The following SYNPO variants were observed in gnomAD, a reference collection of about 807,000 sequenced individuals.
The protein encoded by SYNPO is synaptopodin.
A neutral mutation model predicts 49.5 loss-of-function variants in SYNPO; 19 were observed. The observed-to-expected ratio is 0.38, with a 90% CI of 0.27 to 0.56. The LOEUF (loss-of-function observed/expected upper bound fraction) is 0.56, where lower values mean the gene tolerates loss of function less well. SYNPO is among the 20% of genes least tolerant of loss of function. SYNPO has a pLI of 0.68. For synonymous variants in SYNPO, 536 were observed against 548.0 expected (o/e 0.98, Z 0.31); for missense variants, 1,131 against 1,248.3 (o/e 0.91, Z 1.42).
chr5:150,656,900 T>C lies in SYNPO; in HGVS notation c.2525T>C (p.Leu842Pro), dbSNP rs1253149639. The change falls in exon 3 of 3, where the codon CTG (leucine) becomes CCG (proline). Residue 842 changes from leucine (L) to proline (P), a missense_variant. Leu to Pro is a moderately conservative substitution (Grantham distance 98, BLOSUM62 -3). This residue lies in a region of SYNPO where 509 missense variants were observed against 484.5 expected (regional missense o/e 1.05). Coordinates refer to ENST00000307662, the MANE Select transcript of SYNPO (RefSeq NM_007286.6). ...PSSCTSPRSP[L>P]PAPPRPFLYR... The stretch of plus-strand genomic sequence containing the variant: ...TCCTGCACCAGTCCCCGGAGCCCGC[T>C]GCCCGCGCCTCCCAGGCCCTTCCTC... The C allele has an allele frequency of 5.1e-6, 8 of 1,576,038 alleles. No homozygotes were observed. The highest frequency in any genetic ancestry group is 6.9e-6 in the Non-Finnish European group (8 of 1,162,096).
At chr5:150,656,358 G>A in intron 2 of SYNPO, 46 bp from the exon 3 acceptor site, 2 of 1,427,240 alleles carry the variant, frequency 1.4e-6, no homozygotes, top group Non-Finnish European at 1.9e-6. Context: ...CGGTGTGGAA[G>A]ACCTCAGCAC....
chr5:150,642,170 G>T (rs923424689), intron 1 of SYNPO, among the ~76,000 whole-genome samples: 1 of 152,222 alleles, frequency 6.6e-6, no homozygotes, highest in African/African-American at 2.4e-5. Context: ...TGCAGCAGGG[G>T]CTCAGTAGTG....
At chr5:150,604,063 T>C (rs544660135) in intron 1 of SYNPO, among the ~76,000 whole-genome samples, 1 of 152,318 alleles carries the variant, frequency 6.6e-6, no homozygotes, top group Non-Finnish European at 1.5e-5. Flanking sequence ...CTGCTGGCCA[T>C]GATCAGGGGC....
At chr5:150,644,583 T>C (rs542351295) in intron 1 of SYNPO, among the ~76,000 whole-genome samples, 8 of 152,346 alleles carry the variant, frequency 5.3e-5, no homozygotes, top group Admixed American at 3.3e-4. Context: ...CTTGGCATTT[T>C]CATGATCTCT....
At chr5:150,640,324 G>T (rs557626855), upstream of SYNPO, among the ~76,000 whole-genome samples, 1 of 152,250 alleles carries the variant, frequency 6.6e-6, no homozygotes, top group South Asian at 2.1e-4. Context: ...CGGTAGAGGG[G>T]GTCTGTGCAA....
At chr5:150,631,660 G>C (rs79266368) in intron 2 of SYNPO, among the ~76,000 whole-genome samples, 10,868 of 152,080 alleles carry the variant, frequency 0.071, 960 homozygotes, top group African/African-American at 0.2. Context: ...GTGGGTCTTT[G>C]CTCCTTTCCT....
intron 1 of SYNPO, among the ~76,000 whole-genome samples, chr5:150,641,627 G>A (rs1757912745): frequency 6.6e-6 from 1 of 152,212 alleles, no homozygotes; most frequent in South Asian, 2.1e-4. Flanking sequence ...TGGGTGGTAG[G>A]GGTGGGGGAA....
At chr5:150,642,894 A>G (rs1479829764) in intron 1 of SYNPO, among the ~76,000 whole-genome samples, 2 of 152,176 alleles carry the variant, frequency 1.3e-5, no homozygotes, top group African/African-American at 4.8e-5. Flanking sequence ...GGTGGTGGTG[A>G]TGGGATCTTA....
rs1008533140 is a variant in SYNPO, at chr5:150,649,380, G to A, written c.1105G>A (p.Glu369Lys). The A allele has an allele frequency of 3.1e-6, 5 of 1,614,064 alleles. No homozygotes were observed. Among genetic ancestry groups the A allele is most frequent in the Non-Finnish European group, 4.2e-6 (5 of 1,180,044 alleles). Residue 369 changes from glutamate (E) to lysine (K), a missense_variant, in exon 2 of 3, where the codon GAG (glutamate) becomes AAG (lysine). By Grantham distance (56) the Glu-to-Lys change is moderately conservative. Around this residue, in one of 4 missense-constraint regions of SYNPO, gnomAD observed 602 missense variants for 720.7 expected, o/e 0.84. Transcript: ENST00000307662. ...VPASKTGILE[E>K]SMARRGSRKS... ...TGCCAGCAAGACGGGCATTCTGGAG[G>A]AGTCGATGGCCCGCCGGGGCAGCCG...
At chr5:150,597,318 T>C (rs1162847768), upstream of SYNPO, among the ~76,000 whole-genome samples, 1 of 151,978 alleles carries the variant, frequency 6.6e-6, no homozygotes, top group Non-Finnish European at 1.5e-5. Flanking sequence ...AAATTTGGTT[T>C]TGTTGTTTTG....
chr5:150,654,003 A>G (rs1283107365), intron 2 of SYNPO: 1 of 152,166 alleles, frequency 6.6e-6, no homozygotes, highest in Non-Finnish European at 1.5e-5. Flanking sequence ...GATAAAACAT[A>G]CAATTGGTGT....
At chr5:150,635,023 A>C (rs952304151) in intron 2 of SYNPO, among the ~76,000 whole-genome samples, 2 of 152,194 alleles carry the variant, frequency 1.3e-5, no homozygotes, top group Non-Finnish European at 2.9e-5. Flanking sequence ...CCATCGGTGC[A>C]TTGTCCATTC....
chr5:150,651,138 G>C, intron 2 of SYNPO: 1 of 1,052,252 alleles, frequency 9.5e-7, no homozygotes, highest in Middle Eastern at 4.5e-4. Flanking sequence ...GCCCTGTAGG[G>C]GGCTGTGCAG....
At chr5:150,620,269 G>A (rs1757111208) in intron 2 of SYNPO, among the ~76,000 whole-genome samples, 1 of 152,220 alleles carries the variant, frequency 6.6e-6, no homozygotes, top group African/African-American at 2.4e-5. Flanking sequence ...AGATAGGTAT[G>A]TAAGAAACGT....
At chr5:150,597,595 A>G (rs1756447447), upstream of SYNPO, among the ~76,000 whole-genome samples, 1 of 152,054 alleles carries the variant, frequency 6.6e-6, no homozygotes, top group Non-Finnish European at 1.5e-5. Context: ...CGGCCTCCCA[A>G]AGAGCTGGGA....
Position 150,657,436 on chromosome 5 carries a change from ACACAC to A in SYNPO, c.*350_*354del. On this transcript the variant is annotated 3_prime_UTR_variant, in exon 3 of 3. Transcript: ENST00000307662. Reference sequence around the variant, plus strand: ...CTCTTTCTCTCTCTCTCTCTCTCACACACACACACACACACACACACACACACACA... The same window carrying A: ...CTCTTTCTCTCTCTCTCTCTCTCACAACACACACACACACACACACACACA... 1.9e-5 allele frequency: 1 copy of A among 53,996 alleles called. No homozygotes were observed. The highest frequency in any genetic ancestry group is 4.3e-5 in the Non-Finnish European group (1 of 23,076). The allele number at this position is 53,996 out of a possible 1,614,324, so 3.3% of individuals were successfully genotyped here.
At chr5:150,602,777 G>A (rs1756578099) in intron 1 of SYNPO, among the ~76,000 whole-genome samples, 1 of 152,118 alleles carries the variant, frequency 6.6e-6, no homozygotes, top group Non-Finnish European at 1.5e-5. Context: ...CTGGCCACAA[G>A]CGATCCTTCC....
At chr5:150,654,259 T>C (rs752546495) in intron 2 of SYNPO, 2 of 151,990 alleles carry the variant, frequency 1.3e-5, no homozygotes, top group African/African-American at 2.4e-5. Context: ...GGGTGAACAG[T>C]TGGAAAGTTC....
At chr5:150,643,755 G>A (rs1181583800) in intron 1 of SYNPO, among the ~76,000 whole-genome samples, 3 of 151,998 alleles carry the variant, frequency 2.0e-5, no homozygotes, top group African/African-American at 4.8e-5. Context: ...GGCTGGTCTC[G>A]AACTCCTGAC....
Sources: gnomAD v4.1 joint callset for allele counts (sites outside exome capture counted in the v4.1 genomes callset) on GRCh38, gnomAD v4.1.1 for gene constraint, gnomAD v4.1.1 regional missense constraint, MANE v1.5 for transcripts, NCBI Gene and HGNC (gene_info 2026-07-23, HGNC 2026-07-21) for gene names.